Variants in KCNH5 observed in about 807,000 individuals in gnomAD.
KCNH5 encodes the protein potassium voltage-gated channel subfamily H member 5.
Under a neutral mutation model 96.1 loss-of-function variants are expected in KCNH5, and 46 were observed. The observed-to-expected ratio is 0.48, with a 90% CI of 0.38 to 0.61. The LOEUF is 0.61. Ranked by LOEUF, KCNH5 falls within the 20% of genes least tolerant of loss-of-function variation. The probability of loss-of-function intolerance (pLI) is 0.00; values close to 1 mark genes in which losing one functional copy is unlikely to be tolerated. For synonymous variants in KCNH5, 439 were observed against 449.8 expected (o/e 0.98, Z 0.30); for missense variants, 907 against 1,225.8 (o/e 0.74, Z 3.88).
At chr14:62,952,594 T>C (rs2140132223) in intron 6 of KCNH5, among the ~76,000 whole-genome samples, 1 of 152,352 alleles carries the variant, frequency 6.6e-6, no homozygotes, top group East Asian at 1.9e-4. Flanking sequence ...GCTCAAACTT[T>C]TAAAGGAACT....
intron 10 of KCNH5, among the ~76,000 whole-genome samples, chr14:62,739,820 A>G (rs756534881): frequency 6.6e-6 from 1 of 152,158 alleles, no homozygotes; most frequent in African/African-American, 2.4e-5. Context: ...AACTGAAGGG[A>G]AAGTTTGCTG....
intron 10 of KCNH5, among the ~76,000 whole-genome samples, chr14:62,743,705 C>T (rs1885319718): frequency 6.6e-6 from 1 of 152,086 alleles, no homozygotes; most frequent in Non-Finnish European, 1.5e-5. Flanking sequence ...CCAGCAAGGT[C>T]CTTTACCACC....
intron 7 of KCNH5, among the ~76,000 whole-genome samples, chr14:62,925,395 C>T (rs1220318288): frequency 6.6e-6 from 1 of 151,968 alleles, no homozygotes; most frequent in Non-Finnish European, 1.5e-5. Flanking sequence ...GCATATTTAA[C>T]TCTTCATCTA....
chr14:62,966,644 G>T (rs1890310202), intron 6 of KCNH5, among the ~76,000 whole-genome samples: 2 of 152,174 alleles, frequency 1.3e-5, no homozygotes, highest in African/African-American at 4.8e-5. Flanking sequence ...CTCCTGCTCA[G>T]ATAAATGGTT....
chr14:62,900,887 G>A (rs930342929), intron 7 of KCNH5, among the ~76,000 whole-genome samples: 10 of 152,030 alleles, frequency 6.6e-5, no homozygotes, highest in South Asian at 2.1e-4. Flanking sequence ...TAGAAAGAAC[G>A]CTTACGAATC....
intron 7 of KCNH5, among the ~76,000 whole-genome samples, chr14:62,915,372 A>G (rs1595682847): frequency 6.6e-6 from 1 of 152,230 alleles, no homozygotes; most frequent in East Asian, 1.9e-4. Context: ...TTTGGAAGAA[A>G]CGTGATGAAA....
At chr14:62,994,688 G>A (rs756655105) in intron 4 of KCNH5, among the ~76,000 whole-genome samples, 1 of 152,042 alleles carries the variant, frequency 6.6e-6, no homozygotes, top group African/African-American at 2.4e-5. Flanking sequence ...AGGGATTGAG[G>A]TAGTTAAACC....
intron 7 of KCNH5, among the ~76,000 whole-genome samples, chr14:62,899,446 G>T (rs8022102): frequency 0.021 from 3,199 of 152,050 alleles, 61 homozygotes; most frequent in East Asian, 0.083. Flanking sequence ...AATAAATAAG[G>T]TGACAGATAT....
chr14:62,909,989 A>G (rs1374442995), intron 7 of KCNH5, among the ~76,000 whole-genome samples: 1 of 151,900 alleles, frequency 6.6e-6, no homozygotes, highest in African/African-American at 2.4e-5. Context: ...TTATGCCAGG[A>G]ATTTTTGAGT....
At chr14:62,944,282 C>T (rs992401226) in intron 7 of KCNH5, among the ~76,000 whole-genome samples, 5 of 152,082 alleles carry the variant, frequency 3.3e-5, no homozygotes, top group African/African-American at 1.2e-4. Flanking sequence ...AAGAGTCTAT[C>T]ATTTGCAAGT....
chr14:63,024,017 G>A (rs1456915988), intron 1 of KCNH5, among the ~76,000 whole-genome samples: 1 of 152,000 alleles, frequency 6.6e-6, no homozygotes, highest in African/African-American at 2.4e-5. Flanking sequence ...AGACCAGCCT[G>A]CCCAATATGG....
chr14:63,045,363 T>C lies in KCNH5; in HGVS notation c.-177A>G. On this transcript the variant is annotated 5_prime_UTR_variant, in exon 1 of 11. Coordinates refer to ENST00000322893, the MANE Select transcript of KCNH5 (RefSeq NM_139318.5). Reference sequence around the variant, plus strand: ...CTCCAGCCCGACCCGGATGAGCAGCTCTGGGGAGGAGGACCAGGCAGTTCA... The same window carrying C: ...CTCCAGCCCGACCCGGATGAGCAGCCCTGGGGAGGAGGACCAGGCAGTTCA... 1 of 627,702 alleles carries C rather than the reference T, an allele frequency of 1.6e-6. No individual in the cohort carries two copies. Among genetic ancestry groups the C allele is most frequent in the Admixed American group, 2.4e-5 (1 of 41,000 alleles). 38.9% of individuals were successfully genotyped at this position (627,702 alleles called of 1,614,324 possible). A position where few individuals can be genotyped will look rare whatever the true frequency, so the allele number is the denominator to read the frequency against.
chr14:62,846,789 C>CTTTTTTTTTT lies in KCNH5; in HGVS notation c.1569+2854_1569+2863dup, dbSNP rs766919022. Among the ~76,000 whole-genome samples, 6 of 67,480 alleles carry CTTTTTTTTTT rather than the reference C, an allele frequency of 8.9e-5. 1 individual carries two copies. The highest frequency in any genetic ancestry group is 1.3e-4 in the Non-Finnish European group (5 of 37,218). 44.3% of individuals were successfully genotyped at this position (67,480 alleles called of 152,430 possible). Reference sequence around the variant, plus strand: ...ATTGTATTGTATTATTGTATTGTATCTTTTTTTTTTTTTTTTTTTTTTTTT... The same window carrying CTTTTTTTTTT: ...ATTGTATTGTATTATTGTATTGTATCTTTTTTTTTTTTTTTTTTTTTTTTTTTTTTTTTTT... On this transcript the variant is annotated intron_variant, in intron 8 of 10. Coordinates refer to ENST00000322893, the MANE Select transcript of KCNH5 (RefSeq NM_139318.5).
At chr14:63,042,244 C>A (rs1891838246) in intron 1 of KCNH5, among the ~76,000 whole-genome samples, 1 of 151,866 alleles carries the variant, frequency 6.6e-6, no homozygotes. Context: ...TAGATTGCTT[C>A]CTCTCTGTCT....
intron 8 of KCNH5, among the ~76,000 whole-genome samples, chr14:62,821,297 C>T (rs1046517762): frequency 6.6e-6 from 1 of 151,906 alleles, no homozygotes; most frequent in Non-Finnish European, 1.5e-5. Context: ...TGTATCAATG[C>T]TATTGATAAG....
At chr14:62,712,726 G>A in intron 10 of KCNH5, 1 of 778,034 alleles carries the variant, frequency 1.3e-6, no homozygotes, top group Middle Eastern at 2.3e-4. Context: ...CCTGAAAGCA[G>A]TGAATTGAAC....
intron 7 of KCNH5, among the ~76,000 whole-genome samples, chr14:62,913,661 A>G (rs1414047544): frequency 1.3e-5 from 2 of 152,174 alleles, no homozygotes; most frequent in African/African-American, 2.4e-5. Flanking sequence ...AGTACTTGGG[A>G]GAAACTACAA....
rs373097578 is a variant in KCNH5, at chr14:62,980,780, A to C, written c.942+92T>G. ...AAGAAAGTTGAAAGTGGTGGCTAAA[A>C]AGAGGTTTGGATTATCTGTGGAATC... On this transcript the variant is annotated intron_variant, in intron 6 of 10. Transcript: ENST00000322893. 6.7e-6 allele frequency: 9 copies of C among 1,351,018 alleles called. No individual in the cohort carries two copies. The Admixed American group carries it at 7.3e-5, about 11-fold the overall frequency. The allele number at this position is 1,351,018 out of a possible 1,614,324, so 83.7% of individuals were successfully genotyped here. A position where few individuals can be genotyped will look rare whatever the true frequency, so the allele number is the denominator to read the frequency against.
chr14:62,700,928 TG>T lies in KCNH5; in HGVS notation c.*6579del. The T allele has an allele frequency of 6.6e-6, 1 of 152,240 alleles. No individual in the cohort carries two copies. Among genetic ancestry groups the T allele is most frequent in the South Asian group, 2.1e-4 (1 of 4,818 alleles). The allele number at this position is 152,240 out of a possible 1,614,324, so 9.4% of individuals were successfully genotyped here. On this transcript the variant is annotated 3_prime_UTR_variant, in exon 11 of 11. Transcript: ENST00000322893. ...ACCAAAAGCTTTGGATAGAGGGAAG[TG>T]GTTACATTTTATATTATGAAATATG...
Sources: allele counts gnomAD v4.1 joint callset (sites outside exome capture counted in the v4.1 genomes callset), GRCh38; gene constraint gnomAD v4.1.1; transcripts MANE v1.5; gene names NCBI Gene and HGNC (gene_info 2026-07-23, HGNC 2026-07-21).